ARB2A: variants seen among roughly 807,000 people sequenced by gnomAD.
ARB2A encodes the protein cotranscriptional regulator ARB2A.
At chr5:93,927,226 G>A in the ARB2A span, among the ~76,000 whole-genome samples, 3 of 152,162 alleles carry the variant, frequency 2.0e-5, no homozygotes, top group African/African-American at 7.2e-5. Context: ...CGTGCCTGGT[G>A]AATTAGGAAA....
chr5:93,959,381 A>G, the ARB2A span, among the ~76,000 whole-genome samples: 1 of 152,118 alleles, frequency 6.6e-6, no homozygotes, highest in Non-Finnish European at 1.5e-5. Context: ...TTATAGATGA[A>G]GAAATTGAGG....
At chr5:94,068,264 T>C in the ARB2A span, among the ~76,000 whole-genome samples, 7 of 152,190 alleles carry the variant, frequency 4.6e-5, no homozygotes, top group Non-Finnish European at 1.0e-4. Flanking sequence ...CCTGGGCACT[T>C]AGCCATGCAG....
the ARB2A span, among the ~76,000 whole-genome samples, chr5:93,640,056 T>C: frequency 8.7e-6 from 1 of 114,698 alleles, no homozygotes; most frequent in African/African-American, 3.8e-5. Flanking sequence ...AGTGAGAGAC[T>C]CTGTCTCCAA....
At chr5:93,861,521 A>T in the ARB2A span, 3 of 151,922 alleles carry the variant, frequency 2.0e-5, no homozygotes, top group Non-Finnish European at 4.4e-5. Flanking sequence ...GTGTTCTTTG[A>T]TTTTCACATC....
At chr5:93,791,794 G>A in the ARB2A span, among the ~76,000 whole-genome samples, 1 of 152,170 alleles carries the variant, frequency 6.6e-6, no homozygotes, top group African/African-American at 2.4e-5. Context: ...GTTAGGGAAA[G>A]GCAAGTTATG....
At chr5:93,949,278 G>A in the ARB2A span, among the ~76,000 whole-genome samples, 10 of 151,940 alleles carry the variant, frequency 6.6e-5, no homozygotes, top group East Asian at 3.9e-4. Context: ...GCCCACACCC[G>A]ATGTAATTAT....
At chr5:93,946,731 T>C in the ARB2A span, among the ~76,000 whole-genome samples, 2 of 152,202 alleles carry the variant, frequency 1.3e-5, no homozygotes, top group South Asian at 4.1e-4. Flanking sequence ...TAACACTTAT[T>C]TTGATACTAT....
chr5:93,754,740 G>T, the ARB2A span, among the ~76,000 whole-genome samples: 803 of 152,290 alleles, frequency 5.3e-3, 9 homozygotes, highest in African/African-American at 0.019. Context: ...GCACATCACA[G>T]AAGATCATTT....
the ARB2A span, among the ~76,000 whole-genome samples, chr5:93,639,177 A>G: frequency 2.0e-5 from 3 of 152,200 alleles, no homozygotes; most frequent in African/African-American, 4.8e-5. Context: ...ATGCACTTCA[A>G]AAAGACCTAG....
At chr5:93,745,978 G>A in the ARB2A span, among the ~76,000 whole-genome samples, 1 of 152,284 alleles carries the variant, frequency 6.6e-6, no homozygotes, top group Non-Finnish European at 1.5e-5. Flanking sequence ...TGGATCCAGG[G>A]AGTAAAGTCA....
chr5:93,890,010 A>T, the ARB2A span, among the ~76,000 whole-genome samples: 1 of 151,968 alleles, frequency 6.6e-6, no homozygotes. Context: ...TTAAAATTGT[A>T]TGTCACACTA....
the ARB2A span, among the ~76,000 whole-genome samples, chr5:93,752,046 C>T: frequency 1.3e-5 from 2 of 152,036 alleles, no homozygotes; most frequent in African/African-American, 4.8e-5. Context: ...GTCGGGGAAA[C>T]TGGAAGCCAT....
the ARB2A span, among the ~76,000 whole-genome samples, chr5:93,960,198 AG>A: frequency 6.6e-6 from 1 of 151,916 alleles, no homozygotes; most frequent in African/African-American, 2.4e-5. Flanking sequence ...TAAAACAATC[AG>A]GCTAGTTTCA....
chr5:93,762,529 C>T, the ARB2A span, among the ~76,000 whole-genome samples: 1 of 152,156 alleles, frequency 6.6e-6, no homozygotes, highest in Non-Finnish European at 1.5e-5. Context: ...TGAACAAAGC[C>T]TCCAAGAAAT....
the ARB2A span, among the ~76,000 whole-genome samples, chr5:93,771,669 A>G: frequency 1.3e-5 from 2 of 152,366 alleles, no homozygotes; most frequent in Middle Eastern, 6.8e-3. Context: ...ACTTCTCAAA[A>G]GAAGACATTT....
At chr5:93,973,890 T>A in the ARB2A span, among the ~76,000 whole-genome samples, 1 of 152,128 alleles carries the variant, frequency 6.6e-6, no homozygotes, top group Non-Finnish European at 1.5e-5. Flanking sequence ...TAGCAAAAAA[T>A]GCCTGTGGGG....
the ARB2A span, among the ~76,000 whole-genome samples, chr5:93,888,193 T>C: frequency 6.6e-6 from 1 of 151,900 alleles, no homozygotes; most frequent in Non-Finnish European, 1.5e-5. Flanking sequence ...AAAGATTCTA[T>C]AAATCTACAA....
At chr5:93,850,734 A>AG in the ARB2A span, among the ~76,000 whole-genome samples, 1 of 152,218 alleles carries the variant, frequency 6.6e-6, no homozygotes, top group Non-Finnish European at 1.5e-5. Context: ...ATTTGCAAGT[A>AG]GCAGAATGGG....
the ARB2A span, among the ~76,000 whole-genome samples, chr5:93,650,666 G>T: frequency 6.6e-6 from 1 of 151,918 alleles, no homozygotes; most frequent in Admixed American, 6.6e-5. Context: ...ATCAAAGAAG[G>T]CCAGCAAATA....
Sources: allele counts gnomAD v4.1 joint callset (sites outside exome capture counted in the v4.1 genomes callset), GRCh38; gene constraint gnomAD v4.1.1; transcripts MANE v1.5; gene names NCBI Gene and HGNC (gene_info 2026-07-23, HGNC 2026-07-21).